Variants in PPFIBP1 observed in about 807,000 individuals in gnomAD.
PPFIBP1 encodes the protein PPFIB scaffold protein 1, also known as liprin-beta-1.
PPFIBP1 carries 112 observed loss-of-function variants against 137.8 expected under a neutral mutation model. The ratio of observed to expected loss-of-function variants is 0.81; its 90% CI spans 0.70 to 0.95. The LOEUF (loss-of-function observed/expected upper bound fraction) is 0.95, where lower values mean the gene tolerates loss of function less well. Ranked by LOEUF, PPFIBP1 falls within the 40% of genes least tolerant of loss-of-function variation. The pLI is 0.00. For missense variants in PPFIBP1, 1,083 were observed against 1,196.6 expected (o/e 0.91, Z 1.40); for synonymous variants, 378 against 417.3 (o/e 0.91, Z 1.15).
chr12:27,551,705 C>T (rs1388319596), intron 1 of PPFIBP1, among the ~76,000 whole-genome samples: 1 of 152,134 alleles, frequency 6.6e-6, no homozygotes, highest in East Asian at 1.9e-4. Flanking sequence ...TGTAACAACT[C>T]AATCACTTGG....
Position 27,695,490 on chromosome 12 carries a change from T to C in PPFIBP1, c.*2608T>C, listed in dbSNP as rs2061718279. The stretch of plus-strand genomic sequence containing the variant: ...AATAAGGTTAAATTTTTTTATGACG[T>C]ATTTTATTTACAAATATCATACACT... On this transcript the variant is annotated 3_prime_UTR_variant, in exon 30 of 30. Coordinates refer to ENST00000228425, the MANE Select transcript of PPFIBP1 (RefSeq NM_003622.4). The C allele has an allele frequency of 6.6e-6, 1 of 152,248 alleles. No individual in the cohort carries two copies. Among genetic ancestry groups the C allele is most frequent in the African/African-American group, 2.4e-5 (1 of 41,468 alleles). 9.4% of individuals were successfully genotyped at this position (152,248 alleles called of 1,614,324 possible). A position where few individuals can be genotyped will look rare whatever the true frequency, so the allele number is the denominator to read the frequency against.
intron 1 of PPFIBP1, among the ~76,000 whole-genome samples, chr12:27,551,656 G>A (rs1401820036): frequency 6.6e-6 from 1 of 152,086 alleles, no homozygotes; most frequent in Admixed American, 6.5e-5. Flanking sequence ...TGTAGTCTCC[G>A]GTGCCAAGAG....
intron 2 of PPFIBP1, among the ~76,000 whole-genome samples, chr12:27,630,635 A>G (rs1441796520): frequency 6.6e-6 from 1 of 152,186 alleles, no homozygotes; most frequent in African/African-American, 2.4e-5. Flanking sequence ...AAAAATTGTT[A>G]TATTTCAGTA....
intron 3 of PPFIBP1, among the ~76,000 whole-genome samples, chr12:27,634,444 C>T (rs1288344708): frequency 6.6e-6 from 1 of 152,198 alleles, no homozygotes; most frequent in African/African-American, 2.4e-5. Flanking sequence ...TCATTTAATG[C>T]ATTGAGCTCA....
Position 27,556,844 on chromosome 12 carries a change from C to A in PPFIBP1, c.-123-21308C>A, listed in dbSNP as rs1592439349. Among the ~76,000 whole-genome samples, 2 of 151,804 alleles carry A rather than the reference C, an allele frequency of 1.3e-5. 1 individual carries two copies. Among genetic ancestry groups the A allele is most frequent in the East Asian group, 3.9e-4 (2 of 5,182 alleles). ...GGGCTAATAAATTAATATATGTAGG[C>A]CTGTACTTTTAAGGGGAGTGATTAT... On this transcript the variant is annotated intron_variant, in intron 1 of 29. Coordinates refer to ENST00000228425, the MANE Select transcript of PPFIBP1 (RefSeq NM_003622.4).
chr12:27,621,236 C>T (rs1302461039), intron 2 of PPFIBP1, among the ~76,000 whole-genome samples: 3 of 152,244 alleles, frequency 2.0e-5, no homozygotes, highest in African/African-American at 2.4e-5. Flanking sequence ...GATACGTAAA[C>T]GAATGAATGT....
At position 27,628,417 on chromosome 12, in the gene PPFIBP1, G is replaced by A. The variant is rs376860674; in HGVS notation, c.-35-4945G>A. Among the ~76,000 whole-genome samples, 137 of 152,282 alleles carry A rather than the reference G, an allele frequency of 9.0e-4. 2 individuals carry two copies. The highest frequency in any genetic ancestry group is 3.1e-3 in the African/African-American group (130 of 41,568). ...TTGTCTCAAACTCCTGGGCTCTAGCGACCCTCCTGCCTTGGCCTCCCAAAG... is the reference window on the plus strand; with the variant it reads ...TTGTCTCAAACTCCTGGGCTCTAGCAACCCTCCTGCCTTGGCCTCCCAAAG... On this transcript the variant is annotated intron_variant, in intron 2 of 29. Coordinates refer to ENST00000228425, the MANE Select transcript of PPFIBP1 (RefSeq NM_003622.4).
At chr12:27,537,277 G>T (rs892037038) in intron 1 of PPFIBP1, among the ~76,000 whole-genome samples, 1 of 152,094 alleles carries the variant, frequency 6.6e-6, no homozygotes, top group Non-Finnish European at 1.5e-5. Flanking sequence ...GATTACAGAT[G>T]CCTGCCACCA....
intron 1 of PPFIBP1, among the ~76,000 whole-genome samples, chr12:27,527,192 A>G (rs1380066188): frequency 6.6e-6 from 1 of 152,192 alleles, no homozygotes; most frequent in African/African-American, 2.4e-5. Context: ...ATCCCAAACC[A>G]GCATAATTTT....
chr12:27,653,082 G>C (rs966231123), intron 7 of PPFIBP1, among the ~76,000 whole-genome samples: 13 of 27,750 alleles, frequency 4.7e-4, no homozygotes, highest in African/African-American at 1.8e-3. Context: ...AAAGCCTAAG[G>C]GTTTACTGGG....
At chr12:27,541,138 A>C (rs1945607327) in intron 1 of PPFIBP1, among the ~76,000 whole-genome samples, 1 of 152,148 alleles carries the variant, frequency 6.6e-6, no homozygotes, top group Admixed American at 6.5e-5. Flanking sequence ...TCAGTGTTTA[A>C]AATTATATCC....
At chr12:27,561,105 G>A (rs1592472568) in intron 1 of PPFIBP1, among the ~76,000 whole-genome samples, 2 of 152,276 alleles carry the variant, frequency 1.3e-5, no homozygotes, top group Admixed American at 1.3e-4. Context: ...AACATAGTGG[G>A]GTATAGGGAG....
chr12:27,674,052 T>C, intron 16 of PPFIBP1, 140 bp from the exon 17 acceptor site: 2 of 852,720 alleles, frequency 2.3e-6, no homozygotes, highest in Non-Finnish European at 3.6e-6. Context: ...TAAAACATTT[T>C]GGAAAATAAA....
intron 5 of PPFIBP1, among the ~76,000 whole-genome samples, chr12:27,647,404 A>G (rs1458304483): frequency 6.6e-6 from 1 of 152,070 alleles, no homozygotes. Context: ...CCTCTCTTAT[A>G]CTATCTCCAC....
In PPFIBP1 at chr12:27,647,917, T is replaced by G. The variant is rs929439817; in HGVS notation, c.471+75T>G. On this transcript the variant is annotated intron_variant, in intron 6 of 29. Transcript: ENST00000228425. The stretch of plus-strand genomic sequence containing the variant: ...GAGATGCTGCATTTCTATGTTGTGT[T>G]TGCTCTGATGCAGCAGTAAGTTTCT... 8 of 1,494,808 alleles carry G rather than the reference T, an allele frequency of 5.4e-6. No individual in the cohort carries two copies. In the Admixed American group the frequency reaches 9.0e-5, roughly 17 times the overall value. 92.6% of individuals were successfully genotyped at this position (1,494,808 alleles called of 1,614,324 possible). A position where few individuals can be genotyped will look rare whatever the true frequency, so the allele number is the denominator to read the frequency against.
intron 2 of PPFIBP1, among the ~76,000 whole-genome samples, chr12:27,600,998 A>G (rs1374854964): frequency 1.3e-5 from 2 of 152,110 alleles, no homozygotes; most frequent in East Asian, 3.8e-4. Flanking sequence ...TCTTTCAGCT[A>G]TTTTTAAGTA....
intron 1 of PPFIBP1, among the ~76,000 whole-genome samples, chr12:27,537,893 A>C (rs1945229066): frequency 6.6e-6 from 1 of 152,098 alleles, no homozygotes; most frequent in Non-Finnish European, 1.5e-5. Context: ...GGCTATTCTT[A>C]AGAATGGTGT....
chr12:27,594,667 A>G (rs1218340932), intron 2 of PPFIBP1, among the ~76,000 whole-genome samples: 1 of 152,222 alleles, frequency 6.6e-6, no homozygotes, highest in East Asian at 1.9e-4. Flanking sequence ...ATCTTGTATC[A>G]TAAAAGAAAA....
intron 2 of PPFIBP1, among the ~76,000 whole-genome samples, chr12:27,597,560 TCTGGGGGCCTAAAA>T (rs1391851518): frequency 1.3e-5 from 2 of 152,192 alleles, no homozygotes; most frequent in Non-Finnish European, 2.9e-5. Context: ...CTTCCAGAAC[TCTGGGGGCCTAAAA>T]AACAATTCAT....
Sources: gnomAD v4.1 joint callset for allele counts (sites outside exome capture counted in the v4.1 genomes callset) on GRCh38, gnomAD v4.1.1 for gene constraint, MANE v1.5 for transcripts, NCBI Gene and HGNC (gene_info 2026-07-23, HGNC 2026-07-21) for gene names.